Variants in ENAH observed in about 807,000 individuals in gnomAD.
The protein encoded by ENAH is protein enabled homolog.
A neutral mutation model predicts 78.7 loss-of-function variants in ENAH; 23 were observed. The ratio of observed to expected loss-of-function variants is 0.29; its 90% CI spans 0.21 to 0.41. The LOEUF is 0.41. Ranked by LOEUF, ENAH falls within the 10% of genes least tolerant of loss-of-function variation. The probability of loss-of-function intolerance (pLI) is 1.00; values close to 1 mark genes in which losing one functional copy is unlikely to be tolerated. For missense variants in ENAH, 544 were observed against 691.0 expected, an observed-to-expected ratio of 0.79 and a Z score of 2.39; for synonymous variants, 226 against 241.0, an observed-to-expected ratio of 0.94 and a Z score of 0.58.
intron 3 of ENAH, among the ~76,000 whole-genome samples, chr1:225,538,883 G>A (rs144625232): frequency 6.6e-6 from 1 of 152,280 alleles, no homozygotes; most frequent in African/African-American, 2.4e-5. Context: ...TACCAATGCT[G>A]TCATACCCTA....
intron 1 of ENAH, among the ~76,000 whole-genome samples, chr1:225,645,322 C>T (rs1256106774): frequency 6.6e-6 from 1 of 152,160 alleles, no homozygotes; most frequent in Non-Finnish European, 1.5e-5. Context: ...TGGCTTATTT[C>T]ACTTAGCATA....
At chr1:225,584,334 G>A (rs2096834834) in intron 1 of ENAH, among the ~76,000 whole-genome samples, 1 of 152,100 alleles carries the variant, frequency 6.6e-6, no homozygotes, top group Admixed American at 6.5e-5. Context: ...TTTATGCAAA[G>A]TGCTACAACA....
At chr1:225,567,526 G>C in intron 1 of ENAH, 112 bp from the exon 2 acceptor site, 1 of 1,058,322 alleles carries the variant, frequency 9.4e-7, no homozygotes, top group South Asian at 1.8e-5. Flanking sequence ...GTTATTGGGT[G>C]CTGGAAACAA....
chr1:225,646,167 C>CAAA (rs200880795), intron 1 of ENAH, among the ~76,000 whole-genome samples: 20 of 145,392 alleles, frequency 1.4e-4, no homozygotes, highest in Admixed American at 4.1e-4. Flanking sequence ...TATGCACTGA[C>CAAA]AAAAAAAAAA....
At chr1:225,526,145 C>A (rs2096502684) in intron 4 of ENAH, among the ~76,000 whole-genome samples, 1 of 152,078 alleles carries the variant, frequency 6.6e-6, no homozygotes. Flanking sequence ...TTTGCAAATT[C>A]AATTTCTTCA....
In ENAH at chr1:225,530,593, T is replaced by C; in HGVS notation, c.395A>G (p.Gln132Arg). 1.2e-6 allele frequency: 2 copies of C among 1,613,702 alleles called. No individual in the cohort carries two copies. The highest frequency in any genetic ancestry group is 1.7e-6 in the Non-Finnish European group (2 of 1,179,686). Residue 132 changes from glutamine (Q) to arginine (R), a missense_variant, in exon 4 of 14, where the codon CAA (glutamine) becomes CGA (arginine). By Grantham distance (43) the Gln-to-Arg change is conservative. This residue lies in a region of ENAH where 366 missense variants were observed against 396.1 expected (regional missense o/e 0.92). Coordinates refer to ENST00000366843, the MANE Select transcript of ENAH (RefSeq NM_018212.6). ...CAATTCTTCTTGGGATGGGCCATTTTGAACTTGAGCAGGTAGTTGTGAGTT... is the reference window on the plus strand; with the variant it reads ...CAATTCTTCTTGGGATGGGCCATTTCGAACTTGAGCAGGTAGTTGTGAGTT... ...RQNSQLPAQV[Q>R]NGPSQEELEI...
chr1:225,500,743 A>G (rs546552521), intron 12 of ENAH, among the ~76,000 whole-genome samples: 1 of 152,292 alleles, frequency 6.6e-6, no homozygotes, highest in East Asian at 1.9e-4. Flanking sequence ...ACTTACATTT[A>G]CACCTTATGC....
At chr1:225,517,610 G>C in intron 5 of ENAH, 1 of 1,551,186 alleles carries the variant, frequency 6.4e-7, no homozygotes, top group Non-Finnish European at 8.7e-7. Flanking sequence ...ATCATTATTG[G>C]AGGAGATGGA....
intron 1 of ENAH, 78 bp downstream of exon 1, chr1:225,652,608 G>T: frequency 8.1e-7 from 1 of 1,227,598 alleles, no homozygotes; most frequent in Non-Finnish European, 1.0e-6. Context: ...GAGAGGGAAG[G>T]CGGGGTCCGA....
chr1:225,646,776 G>A (rs1662047362), intron 1 of ENAH, among the ~76,000 whole-genome samples: 1 of 152,096 alleles, frequency 6.6e-6, no homozygotes, highest in South Asian at 2.1e-4. Context: ...GCGACACAGT[G>A]AGACTGTCTC....
At chr1:225,570,583 T>C (rs1432615955) in intron 1 of ENAH, among the ~76,000 whole-genome samples, 1 of 152,118 alleles carries the variant, frequency 6.6e-6, no homozygotes, top group Non-Finnish European at 1.5e-5. Context: ...ATGATCCATG[T>C]CCATTTCATG....
intron 1 of ENAH, among the ~76,000 whole-genome samples, chr1:225,597,636 C>A (rs941866478): frequency 2.4e-5 from 3 of 125,884 alleles, no homozygotes; most frequent in Non-Finnish European, 1.6e-5. Context: ...CCAGCCTGGG[C>A]GACAGTGCAA....
intron 1 of ENAH, among the ~76,000 whole-genome samples, chr1:225,632,501 A>AT (rs1376488661): frequency 1.3e-5 from 2 of 151,924 alleles, no homozygotes; most frequent in Non-Finnish European, 2.9e-5. Context: ...CCGTCTCAAA[A>AT]AAAAAAAAAA....
At chr1:225,628,061 C>G (rs1244768206) in intron 1 of ENAH, among the ~76,000 whole-genome samples, 3 of 152,216 alleles carry the variant, frequency 2.0e-5, no homozygotes, top group African/African-American at 7.2e-5. Flanking sequence ...AACTGGTAAA[C>G]CAGGCTTTCC....
At chr1:225,647,658 A>G (rs971182946) in intron 1 of ENAH, among the ~76,000 whole-genome samples, 28 of 152,234 alleles carry the variant, frequency 1.8e-4, no homozygotes, top group South Asian at 2.1e-4. Flanking sequence ...AAATTATGTT[A>G]TTAACATTTA....
At chr1:225,623,693 C>A (rs939886678) in intron 1 of ENAH, among the ~76,000 whole-genome samples, 5 of 131,314 alleles carry the variant, frequency 3.8e-5, no homozygotes, top group South Asian at 2.2e-4. Context: ...TCACACCATT[C>A]TCCTGCCTCA....
At chr1:225,504,451 A>T (rs1196771875) in intron 11 of ENAH, among the ~76,000 whole-genome samples, 1 of 152,210 alleles carries the variant, frequency 6.6e-6, no homozygotes, top group East Asian at 1.9e-4. Flanking sequence ...TTTAGCTGTC[A>T]ATTTTTTTAA....
At chr1:225,562,144 A>G (rs2096709322) in intron 2 of ENAH, among the ~76,000 whole-genome samples, 1 of 151,956 alleles carries the variant, frequency 6.6e-6, no homozygotes, top group Non-Finnish European at 1.5e-5. Context: ...GCTCTTCTCA[A>G]ACTCCTGAGC....
At chr1:225,517,527 T>A in intron 5 of ENAH, 1 of 1,551,460 alleles carries the variant, frequency 6.4e-7, no homozygotes, top group Non-Finnish European at 8.7e-7. Context: ...ATGGAGGCAT[T>A]TGGGGCACAG....
Sources: gnomAD v4.1 joint callset for allele counts (sites outside exome capture counted in the v4.1 genomes callset) on GRCh38, gnomAD v4.1.1 for gene constraint, gnomAD v4.1.1 regional missense constraint, MANE v1.5 for transcripts, NCBI Gene and HGNC (gene_info 2026-07-23, HGNC 2026-07-21) for gene names.